The following SYT1 variants were observed in gnomAD, a reference collection of about 807,000 sequenced individuals.
SYT1 encodes the protein synaptotagmin-1.
In SYT1, 8 loss-of-function variants were observed where a neutral mutation model predicts 44.8. That is an observed-to-expected ratio of 0.18 (90% CI 0.10 to 0.32). The LOEUF (loss-of-function observed/expected upper bound fraction) is 0.32, where lower values mean the gene tolerates loss of function less well. Among genes scored for constraint, SYT1 ranks in the 10% least tolerant of loss-of-function variants. The pLI, the probability that SYT1 is intolerant of heterozygous loss-of-function variation, is 1.00. For synonymous variants in SYT1, 154 were observed against 188.8 expected (o/e 0.82, Z 1.51); for missense variants, 286 against 509.3 (o/e 0.56, Z 4.22).
intron 9 of SYT1, among the ~76,000 whole-genome samples, chr12:79,373,875 G>A (rs1418609206): frequency 2.0e-5 from 3 of 152,232 alleles, no homozygotes; most frequent in Middle Eastern, 3.4e-3. Context: ...TTTCTCACTC[G>A]TGTTTGCATT....
chr12:79,235,984 A>G (rs537311596), intron 4 of SYT1, among the ~76,000 whole-genome samples: 22 of 152,200 alleles, frequency 1.4e-4, no homozygotes, highest in African/African-American at 5.3e-4. Context: ...ACCAGAGCTT[A>G]TATTTAATTC....
chr12:79,198,152 C>T (rs2138481763), intron 3 of SYT1, among the ~76,000 whole-genome samples: 1 of 152,166 alleles, frequency 6.6e-6, no homozygotes, highest in African/African-American at 2.4e-5. Flanking sequence ...GGAGGGAAAA[C>T]AAATTGATAT....
chr12:78,879,780 G>A (rs951592051), intron 1 of SYT1, among the ~76,000 whole-genome samples: 21 of 151,632 alleles, frequency 1.4e-4, no homozygotes, highest in Admixed American at 6.6e-5. Flanking sequence ...CTGGCCCTAC[G>A]TATTCACCAG....
At chr12:79,220,590 A>G (rs1875099582) in intron 4 of SYT1, among the ~76,000 whole-genome samples, 1 of 152,014 alleles carries the variant, frequency 6.6e-6, no homozygotes, top group South Asian at 2.1e-4. Context: ...GCTGTATTGC[A>G]TAGGTTTTGC....
At chr12:79,253,282 T>A (rs1230068753) in intron 4 of SYT1, among the ~76,000 whole-genome samples, 2 of 152,154 alleles carry the variant, frequency 1.3e-5, no homozygotes, top group African/African-American at 4.8e-5. Context: ...CTACGCTCAC[T>A]CTATCTCTCT....
rs1311908795 is a variant in SYT1, at chr12:78,921,939, TA to T, written c.-216-55859del. Among the ~76,000 whole-genome samples, 23 of 151,904 alleles carry T rather than the reference TA, an allele frequency of 1.5e-4. No individual in the cohort carries two copies. In the South Asian group the frequency reaches 3.5e-3, roughly 23 times the overall value. On this transcript the variant is annotated intron_variant, in intron 1 of 10. Coordinates refer to ENST00000261205, the MANE Select transcript of SYT1 (RefSeq NM_005639.3). ...GATGAAACCAGTAGAAGAGCAAATT[TA>T]GGTCTAAGAGAAGGTAATAAATTAT... is the stretch of plus-strand genomic sequence containing the variant.
chr12:79,118,376 C>T (rs1879413685), intron 3 of SYT1, among the ~76,000 whole-genome samples: 1 of 152,170 alleles, frequency 6.6e-6, no homozygotes. Flanking sequence ...TAAGGTTAAA[C>T]ATTTTTCAAG....
At chr12:79,066,540 G>C (rs527705254) in intron 3 of SYT1, among the ~76,000 whole-genome samples, 264 of 151,612 alleles carry the variant, frequency 1.7e-3, no homozygotes, top group Non-Finnish European at 2.9e-3. Flanking sequence ...CATCTGGGGA[G>C]AGAGAGCAGA....
chr12:79,282,593 T>C (rs1053949474), intron 4 of SYT1, among the ~76,000 whole-genome samples: 1 of 152,142 alleles, frequency 6.6e-6, no homozygotes, highest in African/African-American at 2.4e-5. Context: ...TCTTATTTTG[T>C]ATTTAAAAAA....
intron 3 of SYT1, among the ~76,000 whole-genome samples, chr12:79,125,395 T>C (rs1168629666): frequency 6.7e-6 from 1 of 149,094 alleles, no homozygotes; most frequent in East Asian, 2.0e-4. Flanking sequence ...AGGATCACTT[T>C]AACCCAGGAG....
intron 3 of SYT1, among the ~76,000 whole-genome samples, chr12:79,122,469 G>A (rs1406724780): frequency 1.7e-5 from 2 of 120,550 alleles, no homozygotes; most frequent in South Asian, 2.9e-4. Flanking sequence ...AGCCGAGATC[G>A]CGCCACTGCA....
At chr12:79,026,089 T>C (rs537864885) in intron 2 of SYT1, among the ~76,000 whole-genome samples, 1 of 151,766 alleles carries the variant, frequency 6.6e-6, no homozygotes, top group South Asian at 2.1e-4. Context: ...GCATCATTTA[T>C]TTGAATTTTA....
At chr12:79,379,250 A>T (rs375521220) in intron 9 of SYT1, among the ~76,000 whole-genome samples, 24 of 152,282 alleles carry the variant, frequency 1.6e-4, no homozygotes, top group Admixed American at 4.6e-4. Context: ...GCTTGAAATA[A>T]CAAGTCACTT....
At chr12:79,299,256 A>G in intron 7 of SYT1, 128 bp from the exon 8 acceptor site, 2 of 1,057,058 alleles carry the variant, frequency 1.9e-6, no homozygotes, top group Non-Finnish European at 2.7e-6. Flanking sequence ...TTTAAAAAAT[A>G]ACCAAAAACA....
chr12:79,138,606 A>G (rs1202250052), intron 3 of SYT1, among the ~76,000 whole-genome samples: 4 of 152,228 alleles, frequency 2.6e-5, no homozygotes, highest in African/African-American at 9.6e-5. Context: ...ATGTAATGCA[A>G]TTCACAGGAT....
At chr12:78,952,549 A>G (rs1318025457) in intron 1 of SYT1, among the ~76,000 whole-genome samples, 4 of 152,156 alleles carry the variant, frequency 2.6e-5, no homozygotes, top group Non-Finnish European at 5.9e-5. Flanking sequence ...TCAGATGAAT[A>G]CTGTATATGG....
chr12:79,317,075 G>A (rs900242412), intron 8 of SYT1, among the ~76,000 whole-genome samples: 9 of 152,084 alleles, frequency 5.9e-5, no homozygotes, highest in African/African-American at 1.9e-4. Context: ...ATAAACAATC[G>A]GATACATCGA....
At chr12:79,016,714 G>T (rs1201143142) in intron 2 of SYT1, among the ~76,000 whole-genome samples, 1 of 152,084 alleles carries the variant, frequency 6.6e-6, no homozygotes, top group African/African-American at 2.4e-5. Flanking sequence ...ATGATGTCAT[G>T]GAGGAGGCAT....
rs187900818 is a variant in SYT1, at chr12:79,104,893, C to T, written c.-18+57531C>T. Among the ~76,000 whole-genome samples the T allele has an allele frequency of 3.3e-3, 497 of 151,798 alleles. 3 individuals carry two copies. The highest frequency in any genetic ancestry group is 0.011 in the African/African-American group (468 of 41,414). ...TATTAAAAGCCAATCTCAAATAGAG[C>T]ATTTCAGAAAAAGGAAATAGATTTA... On this transcript the variant is annotated intron_variant, in intron 3 of 10. Transcript: ENST00000261205.
Sources: gnomAD v4.1 joint callset for allele counts (sites outside exome capture counted in the v4.1 genomes callset) on GRCh38, gnomAD v4.1.1 for gene constraint, MANE v1.5 for transcripts, NCBI Gene and HGNC (gene_info 2026-07-23, HGNC 2026-07-21) for gene names.